The following GRM8 variants were observed in gnomAD, a reference collection of about 807,000 sequenced individuals.
The protein encoded by GRM8 is glutamate metabotropic receptor 8.
GRM8 carries 47 observed loss-of-function variants against 87.2 expected under a neutral mutation model. The observed-to-expected ratio is 0.54, with a 90% CI of 0.43 to 0.69. The LOEUF (loss-of-function observed/expected upper bound fraction) is 0.69. GRM8 is among the 30% of genes least tolerant of loss of function. The pLI is 0.00. For missense variants in GRM8, 1,019 were observed against 1,139.2 expected (o/e 0.89, Z 1.52); for synonymous variants, 396 against 404.5 (o/e 0.98, Z 0.25).
chr7:126,977,288 G>C (rs147146878), intron 3 of GRM8, among the ~76,000 whole-genome samples: 1 of 152,262 alleles, frequency 6.6e-6, no homozygotes, highest in East Asian at 1.9e-4. Flanking sequence ...GAAAATAGTG[G>C]ATTTCATTTG....
intron 6 of GRM8, among the ~76,000 whole-genome samples, chr7:126,820,252 G>C (rs1040274217): frequency 6.6e-6 from 1 of 152,050 alleles, no homozygotes; most frequent in Non-Finnish European, 1.5e-5. Flanking sequence ...AACATAAACT[G>C]TTCTTACAAA....
intron 7 of GRM8, among the ~76,000 whole-genome samples, chr7:126,642,876 A>T (rs1233045612): frequency 6.6e-6 from 1 of 152,068 alleles, no homozygotes; most frequent in Non-Finnish European, 1.5e-5. Context: ...TCTTATCCAT[A>T]AAATGGGGGT....
intron 7 of GRM8, among the ~76,000 whole-genome samples, chr7:126,704,004 C>A (rs369281238): frequency 7.2e-5 from 11 of 152,280 alleles, no homozygotes; most frequent in Middle Eastern, 3.4e-3. Context: ...CGACTTCTGT[C>A]TACCTATACT....
At chr7:126,738,516 GAGA>G (rs1814505398) in intron 7 of GRM8, among the ~76,000 whole-genome samples, 1 of 151,110 alleles carries the variant, frequency 6.6e-6, no homozygotes, top group South Asian at 2.1e-4. Context: ...AGAAACTCAA[GAGA>G]AGAAATAGGT....
At chr7:126,937,387 TAC>T (rs1051681223) in intron 3 of GRM8, among the ~76,000 whole-genome samples, 1 of 152,208 alleles carries the variant, frequency 6.6e-6, no homozygotes, top group African/African-American at 2.4e-5. Flanking sequence ...TTGCGGGTAT[TAC>T]ATTGCCAAAG....
At chr7:126,894,355 T>C (rs1318974857) in intron 6 of GRM8, among the ~76,000 whole-genome samples, 1 of 152,062 alleles carries the variant, frequency 6.6e-6, no homozygotes, top group African/African-American at 2.4e-5. Flanking sequence ...ATTTGTGAGT[T>C]CTTCAGTGTA....
chr7:127,148,537 A>G (rs1351710550), intron 2 of GRM8, among the ~76,000 whole-genome samples: 1 of 151,956 alleles, frequency 6.6e-6, no homozygotes, highest in Non-Finnish European at 1.5e-5. Flanking sequence ...TTTTTCTTCA[A>G]CACACATAGA....
rs146104822 is a variant in GRM8, at chr7:127,101,100, T to C, written c.727+5396A>G. Among the ~76,000 whole-genome samples, 1,216 of 152,288 alleles carry C rather than the reference T, an allele frequency of 8.0e-3. 10 individuals are homozygous for C. The highest frequency in any genetic ancestry group is 0.027 in the African/African-American group (1,125 of 41,546). On this transcript the variant is annotated intron_variant, in intron 3 of 10. Transcript: ENST00000339582. ...CTGCCTTTTCCTAGTTGCCCAGGTA[T>C]GCAATTTCAAGTTCAACTTTAATTT...
At chr7:126,730,480 A>C (rs1337293307) in intron 7 of GRM8, among the ~76,000 whole-genome samples, 1 of 152,168 alleles carries the variant, frequency 6.6e-6, no homozygotes, top group Non-Finnish European at 1.5e-5. Context: ...AATTTGGAAA[A>C]GTGAATTTGG....
chr7:126,573,897 A>G (rs1020562005), intron 8 of GRM8, among the ~76,000 whole-genome samples: 30 of 152,116 alleles, frequency 2.0e-4, no homozygotes, highest in Admixed American at 1.7e-3. Context: ...TCAAATTCCA[A>G]CCTTTCTTAT....
chr7:127,031,280 C>T lies in GRM8; in HGVS notation c.727+75216G>A, dbSNP rs549805768. Among the ~76,000 whole-genome samples the T allele has an allele frequency of 6.6e-5, 10 of 152,178 alleles. No homozygotes were observed. The South Asian group carries it at 2.1e-3, about 32-fold the overall frequency. On this transcript the variant is annotated intron_variant, in intron 3 of 10. Transcript: ENST00000339582. ...TGTTTTTTTCCCCTTGTTTCAGTAT[C>T]TAGAGGCTTTAAAAATGTTGGTATC...
chr7:127,019,173 A>G (rs1188656399), intron 3 of GRM8, among the ~76,000 whole-genome samples: 1 of 152,132 alleles, frequency 6.6e-6, no homozygotes, highest in Non-Finnish European at 1.5e-5. Context: ...ATCAAACTAT[A>G]CAATGAATGT....
At chr7:126,827,360 T>C (rs574222079) in intron 6 of GRM8, among the ~76,000 whole-genome samples, 1 of 152,342 alleles carries the variant, frequency 6.6e-6, no homozygotes, top group Admixed American at 6.5e-5. Flanking sequence ...GGAATGTTCT[T>C]CCATTTGTCT....
chr7:127,229,614 G>A (rs1462861976), intron 2 of GRM8: 4 of 152,190 alleles, frequency 2.6e-5, no homozygotes, highest in Admixed American at 2.6e-4. Context: ...ATTTAAATAG[G>A]TGGGGTTAAC....
intron 6 of GRM8, among the ~76,000 whole-genome samples, chr7:126,878,519 C>CTT (rs35669727): frequency 2.4e-3 from 316 of 131,032 alleles, no homozygotes; most frequent in East Asian, 4.0e-3. Context: ...TCGTCTTCTT[C>CTT]TTTTTTTTTT....
chr7:127,061,119 G>A (rs1469970294), intron 3 of GRM8, among the ~76,000 whole-genome samples: 1 of 152,024 alleles, frequency 6.6e-6, no homozygotes, highest in Non-Finnish European at 1.5e-5. Context: ...TACTTCTTTA[G>A]GACTCCTAAG....
intron 9 of GRM8, among the ~76,000 whole-genome samples, chr7:126,449,945 TG>T (rs1802437455): frequency 6.6e-6 from 1 of 151,830 alleles, no homozygotes; most frequent in Non-Finnish European, 1.5e-5. Flanking sequence ...TCTGCCTCCA[TG>T]CCCCATGGAC....
At chr7:126,898,900 G>C (rs1268258859) in intron 6 of GRM8, among the ~76,000 whole-genome samples, 1 of 151,908 alleles carries the variant, frequency 6.6e-6, no homozygotes, top group African/African-American at 2.4e-5. Flanking sequence ...GCATGCATTA[G>C]GTATTTGGCC....
At chr7:126,765,835 T>C (rs541388549) in intron 7 of GRM8, among the ~76,000 whole-genome samples, 1 of 152,216 alleles carries the variant, frequency 6.6e-6, no homozygotes, top group East Asian at 1.9e-4. Context: ...ACATGAGTAA[T>C]TCTGGATACA....
Sources: allele counts gnomAD v4.1 joint callset (sites outside exome capture counted in the v4.1 genomes callset), GRCh38; gene constraint gnomAD v4.1.1; transcripts MANE v1.5; gene names NCBI Gene and HGNC (gene_info 2026-07-23, HGNC 2026-07-21).